FHIT: variants seen among roughly 807,000 people sequenced by gnomAD.
The protein encoded by FHIT is fragile histidine triad diadenosine triphosphatase, also known as bis(5'-adenosyl)-triphosphatase.
FHIT carries 19 observed loss-of-function variants against 17.9 expected under a neutral mutation model. The observed-to-expected ratio is 1.06, with a 90% CI of 0.74 to 1.56. FHIT has a LOEUF of 1.56. FHIT is among the 40% of genes most tolerant of loss of function. FHIT has a pLI of 0.00. For synonymous variants in FHIT, 81 were observed against 69.7 expected (o/e 1.16, Z -0.81); for missense variants, 248 against 189.2 (o/e 1.31, Z -1.82).
chr3:60,563,982 T>G (rs988400887), intron 4 of FHIT, among the ~76,000 whole-genome samples: 3 of 152,204 alleles, frequency 2.0e-5, no homozygotes, highest in Admixed American at 6.5e-5. Flanking sequence ...TGGAAGGCGA[T>G]GCCATCAAGG....
At chr3:61,051,325 C>G (rs2034018475) in intron 2 of FHIT, among the ~76,000 whole-genome samples, 1 of 152,106 alleles carries the variant, frequency 6.6e-6, no homozygotes, top group African/African-American at 2.4e-5. Context: ...GACTGGAGTG[C>G]AGTGGCAGGC....
At chr3:60,081,118 G>A (rs2736779) in intron 5 of FHIT, among the ~76,000 whole-genome samples, 57,908 of 151,906 alleles carry the variant, frequency 0.38, 11,672 homozygotes, top group African/African-American at 0.51. Context: ...GAGGAATGCA[G>A]TGCTTCTCCA....
intron 5 of FHIT, among the ~76,000 whole-genome samples, chr3:60,154,793 GCAAA>G (rs1238432264): frequency 6.6e-6 from 1 of 152,076 alleles, no homozygotes; most frequent in African/African-American, 2.4e-5. Flanking sequence ...TTTGTTTCTT[GCAAA>G]CAGTCAATTT....
rs897591590 is a variant in FHIT at position 59,752,703 on chromosome 3, C to T, written c.349-382G>A. On this transcript the variant is annotated intron_variant, in intron 8 of 9. Coordinates refer to ENST00000492590, the MANE Select transcript of FHIT (RefSeq NM_002012.4). ...CTCATGATAGTGAGTTATTGGGGGA[C>T]CTTATTGTTTAAAAGTGTGTAGCAC... 6.6e-5 allele frequency among the ~76,000 whole-genome samples: 10 copies of T among 151,976 alleles called. No homozygotes were observed. The South Asian group carries it at 2.1e-3, about 32-fold the overall frequency.
At chr3:60,350,780 T>A (rs2106942093) in intron 5 of FHIT, among the ~76,000 whole-genome samples, 1 of 152,240 alleles carries the variant, frequency 6.6e-6, no homozygotes, top group Non-Finnish European at 1.5e-5. Context: ...TTGTGTGTAA[T>A]CTCCTCTCTT....
intron 5 of FHIT, among the ~76,000 whole-genome samples, chr3:60,360,932 T>G (rs1699881303): frequency 6.6e-6 from 1 of 152,208 alleles, no homozygotes; most frequent in African/African-American, 2.4e-5. Flanking sequence ...AACCCAAATC[T>G]AAGTCTGAAT....
At chr3:61,239,753 A>G in intron 1 of FHIT, among the ~76,000 whole-genome samples, 1 of 129,840 alleles carries the variant, frequency 7.7e-6, no homozygotes, top group African/African-American at 2.8e-5. Flanking sequence ...GCAAAGAAAA[A>G]CAACTGGCCA....
chr3:60,929,268 A>G (rs1553770998), intron 3 of FHIT, among the ~76,000 whole-genome samples: 1 of 152,226 alleles, frequency 6.6e-6, no homozygotes, highest in African/African-American at 2.4e-5. Flanking sequence ...CTGAATGGGC[A>G]AAAACTGGAA....
At chr3:61,043,609 T>G (rs1192245938) in intron 2 of FHIT, among the ~76,000 whole-genome samples, 1 of 152,228 alleles carries the variant, frequency 6.6e-6, no homozygotes, top group Non-Finnish European at 1.5e-5. Flanking sequence ...CGTCCCTGTC[T>G]GACAGCTTTG....
chr3:59,863,874 C>T (rs1702515819), intron 8 of FHIT, among the ~76,000 whole-genome samples: 1 of 152,190 alleles, frequency 6.6e-6, no homozygotes, highest in East Asian at 1.9e-4. Context: ...TTTTAAGAGC[C>T]ATCAACAAAT....
intron 5 of FHIT, among the ~76,000 whole-genome samples, chr3:60,017,694 A>T (rs981143444): frequency 4.6e-5 from 7 of 152,086 alleles, no homozygotes; most frequent in African/African-American, 1.7e-4. Flanking sequence ...CCCAGAACTG[A>T]CTATCTCTCT....
At chr3:60,724,652 TTTTTTTTG>T (rs1244720800) in intron 4 of FHIT, among the ~76,000 whole-genome samples, 9 of 139,974 alleles carry the variant, frequency 6.4e-5, no homozygotes, top group African/African-American at 1.7e-4. Context: ...TGTCTGTTTT[TTTTTTTTG>T]TTTTTTTTTT....
chr3:60,008,618 T>C (rs531227930), intron 7 of FHIT, among the ~76,000 whole-genome samples: 1 of 152,182 alleles, frequency 6.6e-6, no homozygotes, highest in Non-Finnish European at 1.5e-5. Flanking sequence ...AAAAATGGTT[T>C]AGAACCCAGG....
At chr3:60,407,755 G>A (rs183309769) in intron 5 of FHIT, among the ~76,000 whole-genome samples, 1 of 152,072 alleles carries the variant, frequency 6.6e-6, no homozygotes, top group African/African-American at 2.4e-5. Flanking sequence ...GACCTCAAAT[G>A]ATCTGCCCAC....
At chr3:60,921,557 G>A (rs1707281720) in intron 3 of FHIT, among the ~76,000 whole-genome samples, 1 of 152,124 alleles carries the variant, frequency 6.6e-6, no homozygotes, top group Non-Finnish European at 1.5e-5. Context: ...TGATATTATA[G>A]CTTTTTAAAT....
chr3:59,752,189 G>T, intron 9 of FHIT, 32 bp downstream of exon 9: 1 of 1,486,432 alleles, frequency 6.7e-7, no homozygotes, highest in Non-Finnish European at 9.3e-7. Flanking sequence ...GCCCACGGGA[G>T]GGTCTGGGTA....
chr3:61,178,162 C>T (rs2038214772), intron 2 of FHIT, among the ~76,000 whole-genome samples: 1 of 152,136 alleles, frequency 6.6e-6, no homozygotes, highest in Non-Finnish European at 1.5e-5. Context: ...ATGATAATAA[C>T]AATAGTAACC....
Position 60,911,436 on chromosome 3 carries a change from T to C in FHIT, c.-110-89425A>G, listed in dbSNP as rs141037667. Among the ~76,000 whole-genome samples, 473 of 151,562 alleles carry C rather than the reference T, an allele frequency of 3.1e-3. 2 individuals carry two copies. The highest frequency in any genetic ancestry group is 0.011 in the African/African-American group (451 of 41,320). On this transcript the variant is annotated intron_variant, in intron 3 of 9. Transcript: ENST00000492590. ...ACTACCACCACCATCATTTTCATCA[T>C]CATGTGATTTCAGAAGAGCAGTCAT...
At chr3:59,980,245 C>A (rs4479546) in intron 7 of FHIT, among the ~76,000 whole-genome samples, 1,585 of 152,280 alleles carry the variant, frequency 0.01, 33 homozygotes, top group African/African-American at 0.036. Context: ...AATTCCTCAT[C>A]TCTGCCAACT....
Sources: allele counts gnomAD v4.1 joint callset (sites outside exome capture counted in the v4.1 genomes callset), GRCh38; gene constraint gnomAD v4.1.1; transcripts MANE v1.5; gene names NCBI Gene and HGNC (gene_info 2026-07-23, HGNC 2026-07-21).